PCDH7: variants seen among roughly 807,000 people sequenced by gnomAD.
PCDH7 encodes protocadherin-7.
Under a neutral mutation model 58.9 loss-of-function variants are expected in PCDH7, and 17 were observed. The observed-to-expected ratio is 0.29, with a 90% CI of 0.20 to 0.43. PCDH7 has a LOEUF of 0.43. PCDH7 is among the 20% of genes least tolerant of loss of function. The pLI is 1.00. For missense variants in PCDH7, 1,274 were observed against 1,441.0 expected, an observed-to-expected ratio of 0.88 and a Z score of 1.88; for synonymous variants, 664 against 616.4, an observed-to-expected ratio of 1.08 and a Z score of -1.14.
At chr4:31,039,835 C>G (rs754315111) in intron 3 of PCDH7, among the ~76,000 whole-genome samples, 4 of 152,102 alleles carry the variant, frequency 2.6e-5, no homozygotes, top group Non-Finnish European at 5.9e-5. Context: ...GCAATAATCT[C>G]GTGATTATAT....
intron 1 of PCDH7, among the ~76,000 whole-genome samples, chr4:30,740,990 T>G (rs537128242): frequency 1.3e-5 from 2 of 152,322 alleles, no homozygotes; most frequent in African/African-American, 4.8e-5. Context: ...GCAGTGATTT[T>G]TTTGCTGTGA....
chr4:30,967,915 T>A (rs1163914333), intron 3 of PCDH7, among the ~76,000 whole-genome samples: 1 of 152,038 alleles, frequency 6.6e-6, no homozygotes, highest in Non-Finnish European at 1.5e-5. Context: ...AGAGCTGATA[T>A]CATAACTCAG....
chr4:31,051,866 T>A (rs541948943), intron 3 of PCDH7, among the ~76,000 whole-genome samples: 11 of 152,064 alleles, frequency 7.2e-5, no homozygotes, highest in African/African-American at 2.7e-4. Flanking sequence ...TCATGATATT[T>A]CATTTATTTA....
intron 1 of PCDH7, among the ~76,000 whole-genome samples, chr4:30,871,384 T>A (rs764221353): frequency 6.6e-6 from 1 of 152,078 alleles, no homozygotes; most frequent in Admixed American, 6.6e-5. Flanking sequence ...AACCAACTGC[T>A]AGATCCTGTG....
chr4:30,756,079 A>G (rs1261639897), intron 1 of PCDH7, among the ~76,000 whole-genome samples: 1 of 152,176 alleles, frequency 6.6e-6, no homozygotes, highest in Non-Finnish European at 1.5e-5. Flanking sequence ...CTCAGTCTCA[A>G]AAACCAACCA....
intron 3 of PCDH7, among the ~76,000 whole-genome samples, chr4:31,079,532 A>T (rs1759323343): frequency 1.3e-5 from 2 of 151,078 alleles, no homozygotes; most frequent in Non-Finnish European, 3.0e-5. Context: ...GTCCAACAGC[A>T]CGTAATACCA....
intron 1 of PCDH7, among the ~76,000 whole-genome samples, chr4:30,868,449 C>T (rs899955708): frequency 6.6e-5 from 10 of 152,196 alleles, no homozygotes; most frequent in Admixed American, 3.3e-4. Context: ...TACGAGCAGG[C>T]GTTGTGTATG....
intron 2 of PCDH7, among the ~76,000 whole-genome samples, chr4:30,931,841 T>A: frequency 8.4e-6 from 1 of 118,984 alleles, no homozygotes; most frequent in Middle Eastern, 4.2e-3. Context: ...TTTTTTTTTT[T>A]ACAAAATTTT....
intron 3 of PCDH7, among the ~76,000 whole-genome samples, chr4:30,992,057 G>A (rs145475681): frequency 4.4e-4 from 67 of 152,238 alleles, no homozygotes; most frequent in Middle Eastern, 3.4e-3. Flanking sequence ...GGCAAATAAT[G>A]AAGCCTTCTG....
chr4:31,053,407 C>G (rs984673469), intron 3 of PCDH7, among the ~76,000 whole-genome samples: 13 of 151,974 alleles, frequency 8.6e-5, no homozygotes, highest in African/African-American at 2.9e-4. Context: ...ATCCTTCCAT[C>G]GAGGCCACTA....
intron 3 of PCDH7, among the ~76,000 whole-genome samples, chr4:31,105,615 T>G (rs947390610): frequency 7.9e-5 from 12 of 152,042 alleles, no homozygotes; most frequent in Admixed American, 7.9e-4. Context: ...ATGACACTAG[T>G]GTAGGTGTGT....
chr4:31,079,959 G>GTA (rs1759365777), intron 3 of PCDH7, among the ~76,000 whole-genome samples: 1 of 152,018 alleles, frequency 6.6e-6, no homozygotes, highest in Admixed American at 6.6e-5. Context: ...TAAAATAGCA[G>GTA]GGATAAGAGT....
chr4:30,861,159 T>C (rs1734147711), intron 1 of PCDH7, among the ~76,000 whole-genome samples: 2 of 152,176 alleles, frequency 1.3e-5, no homozygotes, highest in African/African-American at 4.8e-5. Context: ...CCCCACCTTA[T>C]ACACTAGAAG....
chr4:30,882,107 C>T (rs1257705627), intron 1 of PCDH7, among the ~76,000 whole-genome samples: 2 of 143,544 alleles, frequency 1.4e-5, no homozygotes, highest in African/African-American at 2.6e-5. Context: ...CCCCTCCTCC[C>T]CCTCCTCCTC....
intron 3 of PCDH7, among the ~76,000 whole-genome samples, chr4:30,955,609 C>T (rs924328576): frequency 1.3e-4 from 20 of 151,612 alleles, no homozygotes; most frequent in Non-Finnish European, 2.4e-4. Context: ...TGAGCAGTGG[C>T]GCAATCTCAG....
intron 3 of PCDH7, among the ~76,000 whole-genome samples, chr4:31,032,712 G>A (rs1578612522): frequency 6.9e-6 from 1 of 145,970 alleles, no homozygotes; most frequent in Non-Finnish European, 1.5e-5. Flanking sequence ...GGGAGAGAGG[G>A]AGGGAGGGAA....
chr4:30,927,615 G>A (rs576423730), intron 2 of PCDH7, among the ~76,000 whole-genome samples: 11 of 152,202 alleles, frequency 7.2e-5, no homozygotes, highest in East Asian at 3.9e-4. Context: ...AATGGATTAA[G>A]GGCGGTGCAA....
intron 3 of PCDH7, among the ~76,000 whole-genome samples, chr4:31,103,060 A>G (rs1715098218): frequency 6.6e-6 from 1 of 152,234 alleles, no homozygotes; most frequent in Non-Finnish European, 1.5e-5. Flanking sequence ...TAGAAAAAAT[A>G]TAATATTTGT....
At chr4:30,974,188 C>G (rs1749850738) in intron 3 of PCDH7, among the ~76,000 whole-genome samples, 1 of 149,356 alleles carries the variant, frequency 6.7e-6, no homozygotes, top group South Asian at 2.1e-4. Context: ...TTCTTTCTTT[C>G]TCTTTCTCTT....
Sources: gnomAD v4.1 joint callset for allele counts (sites outside exome capture counted in the v4.1 genomes callset) on GRCh38, gnomAD v4.1.1 for gene constraint, MANE v1.5 for transcripts, NCBI Gene and HGNC (gene_info 2026-07-23, HGNC 2026-07-21) for gene names.